The following ERC2 variants were observed in gnomAD, a reference collection of about 807,000 sequenced individuals.
The protein encoded by ERC2 is ELKS/RAB6-interacting/CAST family member 2.
In ERC2, 42 loss-of-function variants were observed where a neutral mutation model predicts 114.8. That is an observed-to-expected ratio of 0.37 (90% CI 0.29 to 0.47). The LOEUF is 0.47. Ranked by LOEUF, ERC2 falls within the 20% of genes least tolerant of loss-of-function variation. The pLI is 0.99. For synonymous variants in ERC2, 454 were observed against 425.5 expected (o/e 1.07, Z -0.82); for missense variants, 939 against 1,150.7 (o/e 0.82, Z 2.66).
At chr3:56,210,909 C>A (rs1394618199) in intron 3 of ERC2, among the ~76,000 whole-genome samples, 1 of 152,012 alleles carries the variant, frequency 6.6e-6, no homozygotes, top group Non-Finnish European at 1.5e-5. Context: ...GAAGTTGAAA[C>A]AAGAAACTAA....
chr3:55,654,896 C>T (rs1337331152), intron 17 of ERC2, among the ~76,000 whole-genome samples: 1 of 152,178 alleles, frequency 6.6e-6, no homozygotes, highest in Non-Finnish European at 1.5e-5. Context: ...CTGTGGGTGC[C>T]CCTTCCATGG....
At chr3:56,423,850 G>C (rs1397255377) in intron 2 of ERC2, among the ~76,000 whole-genome samples, 1 of 152,176 alleles carries the variant, frequency 6.6e-6, no homozygotes, top group Non-Finnish European at 1.5e-5. Context: ...CTGTGTGTCT[G>C]TGAAATAGAT....
chr3:56,435,106 T>C lies in ERC2; in HGVS notation c.-99A>G. The C allele has an allele frequency of 1.1e-6, 1 of 873,830 alleles. No individual in the cohort carries two copies. 54.1% of individuals were successfully genotyped at this position (873,830 alleles called of 1,614,324 possible). A position where few individuals can be genotyped will look rare whatever the true frequency, so the allele number is the denominator to read the frequency against. On this transcript the variant is annotated 5_prime_UTR_variant, in exon 2 of 18. Coordinates refer to ENST00000288221, the MANE Select transcript of ERC2 (RefSeq NM_015576.3). ...CGATTGTCCAGAATTTTCACCGCATTCTTTTCACAGTCCGTACCAGAAAAT... is the reference window on the plus strand; with the variant it reads ...CGATTGTCCAGAATTTTCACCGCATCCTTTTCACAGTCCGTACCAGAAAAT...
chr3:56,322,318 C>T (rs2057164385), intron 2 of ERC2, among the ~76,000 whole-genome samples: 1 of 152,176 alleles, frequency 6.6e-6, no homozygotes, highest in South Asian at 2.1e-4. Flanking sequence ...TGCAAATTTC[C>T]TCCCATCCTA....
At chr3:56,295,888 G>T in intron 3 of ERC2, 131 bp downstream of exon 3, 1 of 971,224 alleles carries the variant, frequency 1.0e-6, no homozygotes, top group Non-Finnish European at 1.5e-6. Flanking sequence ...AAGCCGGCAG[G>T]AAGGTCATAA....
chr3:55,743,593 C>CAAAAAAAAA (rs367859231), intron 14 of ERC2, among the ~76,000 whole-genome samples: 60 of 96,742 alleles, frequency 6.2e-4, no homozygotes, highest in Non-Finnish European at 7.9e-4. Flanking sequence ...CCTGATCCAC[C>CAAAAAAAAA]AAAAAAAAAA....
At chr3:55,552,396 C>T (rs1012291973) in intron 17 of ERC2, among the ~76,000 whole-genome samples, 3 of 152,158 alleles carry the variant, frequency 2.0e-5, no homozygotes, top group African/African-American at 7.2e-5. Flanking sequence ...TTATTGCTTT[C>T]TCCTCCTTCT....
At chr3:55,724,292 G>T (rs2064772606) in intron 15 of ERC2, among the ~76,000 whole-genome samples, 1 of 152,216 alleles carries the variant, frequency 6.6e-6, no homozygotes, top group African/African-American at 2.4e-5. Flanking sequence ...GGAGCCAGCA[G>T]GGGCCAGGCG....
At chr3:55,993,180 A>G (rs1349539142) in intron 10 of ERC2, among the ~76,000 whole-genome samples, 8 of 152,286 alleles carry the variant, frequency 5.3e-5, no homozygotes, top group Non-Finnish European at 7.4e-5. Context: ...TTCTTCAAAG[A>G]GCAGGCAGGG....
chr3:56,408,906 G>C (rs2060830112), intron 2 of ERC2, among the ~76,000 whole-genome samples: 1 of 152,240 alleles, frequency 6.6e-6, no homozygotes, highest in Admixed American at 6.5e-5. Context: ...CCTGAGGAAC[G>C]CACGAGGCTG....
At chr3:56,206,381 A>G (rs1013141839) in intron 3 of ERC2, among the ~76,000 whole-genome samples, 1 of 152,206 alleles carries the variant, frequency 6.6e-6, no homozygotes. Flanking sequence ...ATGACAAAAC[A>G]TTTCATAAGT....
chr3:56,370,776 G>A (rs2059336909), intron 2 of ERC2, among the ~76,000 whole-genome samples: 1 of 151,972 alleles, frequency 6.6e-6, no homozygotes, highest in Non-Finnish European at 1.5e-5. Flanking sequence ...TGTATGTTTA[G>A]TAGAGAAGGG....
chr3:56,449,206 C>A (rs2062721838), intron 1 of ERC2, among the ~76,000 whole-genome samples: 1 of 152,116 alleles, frequency 6.6e-6, no homozygotes, highest in Non-Finnish European at 1.5e-5. Flanking sequence ...GGTAGCCTGG[C>A]TTACCCCCAA....
intron 13 of ERC2, among the ~76,000 whole-genome samples, chr3:55,921,603 T>C (rs1279663748): frequency 1.3e-5 from 2 of 152,130 alleles, no homozygotes. Context: ...CTAAGATCAT[T>C]ATAGCCAAAG....
chr3:56,246,429 T>C (rs1376591447), intron 3 of ERC2, among the ~76,000 whole-genome samples: 1 of 152,180 alleles, frequency 6.6e-6, no homozygotes, highest in Admixed American at 6.5e-5. Flanking sequence ...GGGCACAATC[T>C]TCCCCTGTTG....
intron 14 of ERC2, among the ~76,000 whole-genome samples, chr3:55,808,701 T>TTTTATATA (rs1358189450): frequency 8.1e-5 from 5 of 61,728 alleles, no homozygotes; most frequent in South Asian, 8.3e-4. Context: ...TACCATAATT[T>TTTTATATA]TATATATATA....
intron 17 of ERC2, among the ~76,000 whole-genome samples, chr3:55,565,296 A>G (rs75855195): frequency 0.075 from 11,459 of 152,328 alleles, 567 homozygotes; most frequent in South Asian, 0.16. Flanking sequence ...TTAGAAACAA[A>G]TGGATATTGA....
chr3:55,742,638 T>C lies in ERC2; in HGVS notation c.2565-7720A>G, dbSNP rs374964535. ...GGAAAAAGTCCGCTCAATCAACTTT[T>C]CTCAGCTAATTACTATTTTCTTTCC... On this transcript the variant is annotated intron_variant, in intron 14 of 17. Coordinates refer to ENST00000288221, the MANE Select transcript of ERC2 (RefSeq NM_015576.3). 1.1e-4 allele frequency among the ~76,000 whole-genome samples: 17 copies of C among 152,310 alleles called. No homozygotes were observed. The East Asian group carries it at 1.5e-3, about 14-fold the overall frequency.
intron 6 of ERC2, among the ~76,000 whole-genome samples, chr3:56,124,805 C>T (rs1295523015): frequency 6.6e-6 from 1 of 151,866 alleles, no homozygotes; most frequent in Non-Finnish European, 1.5e-5. Context: ...AGAAATATGG[C>T]CAAAAACAAA....
Sources: allele counts gnomAD v4.1 joint callset (sites outside exome capture counted in the v4.1 genomes callset), GRCh38; gene constraint gnomAD v4.1.1; transcripts MANE v1.5; gene names NCBI Gene and HGNC (gene_info 2026-07-23, HGNC 2026-07-21).